Variants in PRRX2 observed in about 807,000 individuals in gnomAD.
The protein encoded by PRRX2 is paired mesoderm homeobox protein 2.
In PRRX2, 11 loss-of-function variants were observed where a neutral mutation model predicts 18.0. That is an observed-to-expected ratio of 0.61 (90% CI 0.39 to 1.01). The LOEUF (loss-of-function observed/expected upper bound fraction) is 1.01. Ranked by LOEUF, PRRX2 falls within the 50% of genes least tolerant of loss-of-function variation. PRRX2 has a pLI of 0.01. For synonymous variants in PRRX2, 177 were observed against 154.8 expected (o/e 1.14, Z -1.06); for missense variants, 387 against 351.0 (o/e 1.10, Z -0.82).
intron 1 of PRRX2, among the ~76,000 whole-genome samples, chr9:129,690,333 C>T (rs1298739839): frequency 1.3e-5 from 2 of 152,074 alleles, no homozygotes; most frequent in African/African-American, 2.4e-5. Context: ...TGCTGCCCGG[C>T]GCAGGTGATG....
At chr9:129,692,027 T>G (rs1832367003) in intron 1 of PRRX2, among the ~76,000 whole-genome samples, 3 of 151,476 alleles carry the variant, frequency 2.0e-5, no homozygotes, top group African/African-American at 7.3e-5. Flanking sequence ...CACTGCAATC[T>G]CCACCTCCTG....
At chr9:129,713,515 C>T (rs368061205) in intron 1 of PRRX2, among the ~76,000 whole-genome samples, 2 of 152,314 alleles carry the variant, frequency 1.3e-5, no homozygotes, top group South Asian at 2.1e-4. Context: ...TGTGACAGGC[C>T]CCCTACGCTG....
At chr9:129,706,297 T>TCAAAAA (rs567021585) in intron 1 of PRRX2, among the ~76,000 whole-genome samples, 1 of 147,940 alleles carries the variant, frequency 6.8e-6, no homozygotes, top group African/African-American at 2.6e-5. Context: ...AAAATTTTTT[T>TCAAAAA]TTCCCAGGCG....
chr9:129,707,583 G>C (rs1349028184), intron 1 of PRRX2, among the ~76,000 whole-genome samples: 2 of 151,976 alleles, frequency 1.3e-5, no homozygotes, highest in East Asian at 3.9e-4. Flanking sequence ...CTGAGGTCAG[G>C]AGTTCGAGAC....
rs1362591244 is a variant in PRRX2, at chr9:129,671,285, C to T, written c.259+5159C>T. Among the ~76,000 whole-genome samples the T allele has an allele frequency of 2.0e-5, 3 of 152,164 alleles. No individual in the cohort carries two copies. The highest frequency in any genetic ancestry group is 4.8e-5 in the African/African-American group (2 of 41,446). ...TTCCGTTTGGGAACTGCTGGGCCTC[C>T]CAGCGTGGCTAGGGCGGGACAGTGG... On this transcript the variant is annotated intron_variant, in intron 1 of 3. Coordinates refer to ENST00000372469, the MANE Select transcript of PRRX2 (RefSeq NM_016307.4). The surrounding 1 kb of genome is among the most constrained non-coding windows in gnomAD (Gnocchi z 4.0).
chr9:129,694,039 C>T (rs1173553117), intron 1 of PRRX2, among the ~76,000 whole-genome samples: 2 of 152,172 alleles, frequency 1.3e-5, no homozygotes, highest in Non-Finnish European at 2.9e-5. Context: ...GAAGCTCATC[C>T]ACCAGAGACC....
intron 1 of PRRX2, among the ~76,000 whole-genome samples, chr9:129,691,784 T>C (rs376570102): frequency 6.6e-6 from 1 of 151,446 alleles, no homozygotes; most frequent in Admixed American, 6.6e-5. Flanking sequence ...GCTCAAGCCA[T>C]CCTCCCACCT....
intron 1 of PRRX2, among the ~76,000 whole-genome samples, chr9:129,687,539 C>T (rs1419127823): frequency 2.0e-5 from 3 of 152,224 alleles, no homozygotes; most frequent in African/African-American, 7.2e-5. Context: ...TTGCGCTGTA[C>T]CAGCCGGCTT....
intron 1 of PRRX2, among the ~76,000 whole-genome samples, chr9:129,701,056 G>C (rs1832489086): frequency 6.6e-6 from 1 of 152,232 alleles, no homozygotes; most frequent in African/African-American, 2.4e-5. Flanking sequence ...ACAAAGAAAT[G>C]AGACATTTTT....
In PRRX2 at chr9:129,713,577, C is replaced by T. The variant is rs1588174890; in HGVS notation, c.260-5654C>T. On this transcript the variant is annotated intron_variant, in intron 1 of 3. Transcript: ENST00000372469. The stretch of plus-strand genomic sequence containing the variant: ...GGAGGAGGCCCCGTGAAGAGGGGTT[C>T]GCAGCCTTGGCTTGGCCAGGCCTCC... Among the ~76,000 whole-genome samples the T allele has an allele frequency of 2.6e-5, 4 of 151,656 alleles. No homozygotes were observed. In the South Asian group the frequency reaches 6.2e-4, roughly 24 times the overall value.
At chr9:129,702,183 G>A (rs1392897063) in intron 1 of PRRX2, among the ~76,000 whole-genome samples, 1 of 152,038 alleles carries the variant, frequency 6.6e-6, no homozygotes, top group Non-Finnish European at 1.5e-5. Flanking sequence ...GGATCACGAG[G>A]TCAGGAGATC....
Position 129,715,445 on chromosome 9 carries a change from G to A in PRRX2, c.260-3786G>A, listed in dbSNP as rs563653567. On this transcript the variant is annotated intron_variant, in intron 1 of 3. Coordinates refer to ENST00000372469, the MANE Select transcript of PRRX2 (RefSeq NM_016307.4). The surrounding 1 kb of genome is among the most constrained non-coding windows in gnomAD (Gnocchi z 4.0). Reference sequence around the variant, plus strand: ...CATCTCTACATTAAAATAAAAATCAGCTGGGCATGGTGGCAGGCACCTGTA... The same window carrying A: ...CATCTCTACATTAAAATAAAAATCAACTGGGCATGGTGGCAGGCACCTGTA... 4.6e-5 allele frequency among the ~76,000 whole-genome samples: 7 copies of A among 152,172 alleles called. No homozygotes were observed. The East Asian group carries it at 1.3e-3, about 29-fold the overall frequency.
rs1051445 is a variant in PRRX2, at chr9:129,722,503, T to C, written c.*151T>C. ...GAGCCCACGAGGCTGTTGAGGCCCC[T>C]GCAGCCGGGCCCAGCTCTTCTGTCC... On this transcript the variant is annotated 3_prime_UTR_variant, in exon 4 of 4. Coordinates refer to ENST00000372469, the MANE Select transcript of PRRX2 (RefSeq NM_016307.4). 89,057 of 835,656 alleles carry C rather than the reference T, an allele frequency of 0.11. 6,833 individuals are homozygous for C. The highest frequency in any genetic ancestry group is 0.34 in the African/African-American group (19,254 of 56,108). The allele number at this position is 835,656 out of a possible 1,614,324, so 51.8% of individuals were successfully genotyped here.
intron 1 of PRRX2, among the ~76,000 whole-genome samples, chr9:129,705,295 G>T (rs899623687): frequency 6.6e-6 from 1 of 152,192 alleles, no homozygotes; most frequent in East Asian, 1.9e-4. Flanking sequence ...GGATATGAGG[G>T]GAGGCTCCTG....
chr9:129,669,225 A>C (rs1351252745), intron 1 of PRRX2, among the ~76,000 whole-genome samples: 1 of 152,018 alleles, frequency 6.6e-6, no homozygotes, highest in East Asian at 1.9e-4. Flanking sequence ...ACTGCCAATG[A>C]CTTTCTAAGA....
At chr9:129,714,631 G>A (rs1302742994) in intron 1 of PRRX2, among the ~76,000 whole-genome samples, 1 of 152,168 alleles carries the variant, frequency 6.6e-6, no homozygotes, top group Non-Finnish European at 1.5e-5. Context: ...GGGGCTGGCT[G>A]GGGTGGGGGT....
intron 1 of PRRX2, chr9:129,718,505 CT>C (rs1249743670): frequency 6.6e-6 from 1 of 152,318 alleles, no homozygotes; most frequent in African/African-American, 2.4e-5. Context: ...AGTAGGCCCT[CT>C]GGAAAGGAAG....
At chr9:129,679,626 T>C (rs1448406163) in intron 1 of PRRX2, among the ~76,000 whole-genome samples, 1 of 152,180 alleles carries the variant, frequency 6.6e-6, no homozygotes, top group African/African-American at 2.4e-5. Context: ...AGTCCCTGGA[T>C]TGGGCTGACT....
intron 1 of PRRX2, among the ~76,000 whole-genome samples, chr9:129,691,188 T>C (rs1324739236): frequency 1.4e-5 from 2 of 138,300 alleles, no homozygotes; most frequent in Admixed American, 1.4e-4. Flanking sequence ...AAAAAAAAAA[T>C]TAGACACGCG....
Sources: allele counts gnomAD v4.1 joint callset (sites outside exome capture counted in the v4.1 genomes callset), GRCh38; gene constraint gnomAD v4.1.1; non-coding constraint Gnocchi (gnomAD v3.1); transcripts MANE v1.5; gene names NCBI Gene and HGNC (gene_info 2026-07-23, HGNC 2026-07-21).